KCNIP4: variants seen among roughly 807,000 people sequenced by gnomAD.
KCNIP4 encodes Kv channel-interacting protein 4.
In KCNIP4, 12 loss-of-function variants were observed where a neutral mutation model predicts 34.0. That is an observed-to-expected ratio of 0.35 (90% CI 0.23 to 0.57). The LOEUF (loss-of-function observed/expected upper bound fraction) is 0.57, where lower values mean the gene tolerates loss of function less well. Among genes scored for constraint, KCNIP4 ranks in the 20% least tolerant of loss-of-function variants. KCNIP4 has a pLI of 0.83. For missense variants in KCNIP4, 238 were observed against 311.7 expected, an observed-to-expected ratio of 0.76 and a Z score of 1.78; for synonymous variants, 124 against 102.2, an observed-to-expected ratio of 1.21 and a Z score of -1.29.
intron 1 of KCNIP4, among the ~76,000 whole-genome samples, chr4:20,980,809 T>TAA (rs547579828): frequency 8.4e-5 from 11 of 131,138 alleles, no homozygotes; most frequent in East Asian, 4.4e-4. Context: ...TTCTCCACCA[T>TAA]AAAAAAAAAA....
chr4:21,362,324 G>A (rs1252473442), intron 1 of KCNIP4, among the ~76,000 whole-genome samples: 1 of 152,118 alleles, frequency 6.6e-6, no homozygotes, highest in Non-Finnish European at 1.5e-5. Context: ...TCATGGTCAC[G>A]AAAGCAGTGA....
chr4:20,903,594 C>T (rs1440066162), intron 1 of KCNIP4, among the ~76,000 whole-genome samples: 3 of 152,042 alleles, frequency 2.0e-5, no homozygotes, highest in Non-Finnish European at 4.4e-5. Context: ...GCCTGAAGCC[C>T]CCACTTTGAG....
chr4:20,916,940 A>G (rs1485047590), intron 1 of KCNIP4, among the ~76,000 whole-genome samples: 2 of 119,432 alleles, frequency 1.7e-5, no homozygotes, highest in African/African-American at 6.3e-5. Flanking sequence ...TTTCCCTTTC[A>G]TATTTTTTCC....
At chr4:21,770,555 A>C (rs2109189587) in intron 1 of KCNIP4, among the ~76,000 whole-genome samples, 1 of 152,268 alleles carries the variant, frequency 6.6e-6, no homozygotes, top group African/African-American at 2.4e-5. Context: ...TGGCTGAACT[A>C]ATTTACATTC....
At chr4:21,019,826 T>A (rs1005581317) in intron 1 of KCNIP4, among the ~76,000 whole-genome samples, 9 of 152,134 alleles carry the variant, frequency 5.9e-5, no homozygotes, top group African/African-American at 2.2e-4. Flanking sequence ...CACAGCTATA[T>A]AAAGTAGCAT....
At chr4:20,992,012 C>T (rs946177205) in intron 1 of KCNIP4, among the ~76,000 whole-genome samples, 4 of 152,210 alleles carry the variant, frequency 2.6e-5, no homozygotes, top group Non-Finnish European at 5.9e-5. Flanking sequence ...CAGAACCCAG[C>T]AGGCTTTGGC....
intron 1 of KCNIP4, among the ~76,000 whole-genome samples, chr4:21,533,220 T>A (rs1736850890): frequency 6.6e-6 from 1 of 152,102 alleles, no homozygotes; most frequent in Non-Finnish European, 1.5e-5. Flanking sequence ...GAATATATGC[T>A]CTCTCACTTA....
At chr4:20,946,633 T>C (rs896339859) in intron 1 of KCNIP4, among the ~76,000 whole-genome samples, 10 of 152,212 alleles carry the variant, frequency 6.6e-5, no homozygotes, top group African/African-American at 2.4e-4. Context: ...AAGTGTATTT[T>C]CTCATTCTTC....
At position 21,654,079 on chromosome 4, in the gene KCNIP4, AG is replaced by A. The variant is rs1251411364; in HGVS notation, c.61+294491del. ...AGTGCTTGGAAAAATGTTACAACAAAGAATAGATAGCTTTATAATGAAAATC... is the reference window on the plus strand; with the variant it reads ...AGTGCTTGGAAAAATGTTACAACAAAAATAGATAGCTTTATAATGAAAATC... On this transcript the variant is annotated intron_variant, in intron 1 of 8. Coordinates refer to ENST00000382152, the MANE Select transcript of KCNIP4 (RefSeq NM_025221.6). Among the ~76,000 whole-genome samples, 2 of 152,248 alleles carry A rather than the reference AG, an allele frequency of 1.3e-5. 1 individual carries two copies. The highest frequency in any genetic ancestry group is 2.9e-5 in the Non-Finnish European group (2 of 68,048).
At chr4:21,497,376 T>C (rs1193791720) in intron 1 of KCNIP4, among the ~76,000 whole-genome samples, 1 of 152,166 alleles carries the variant, frequency 6.6e-6, no homozygotes, top group African/African-American at 2.4e-5. Context: ...TCTTACCAAG[T>C]AACTCATGAT....
intron 3 of KCNIP4, among the ~76,000 whole-genome samples, chr4:20,786,981 C>G (rs1232530556): frequency 6.6e-6 from 1 of 152,116 alleles, no homozygotes; most frequent in Non-Finnish European, 1.5e-5. Flanking sequence ...ATTTTGTAAG[C>G]TGTAAGGTGC....
intron 1 of KCNIP4, among the ~76,000 whole-genome samples, chr4:20,949,149 C>T (rs1025696136): frequency 1.1e-4 from 16 of 152,218 alleles, no homozygotes; most frequent in African/African-American, 1.7e-4. Flanking sequence ...ACGGTAACAG[C>T]GACTGCTCGC....
chr4:20,831,157 G>C (rs953869833), intron 3 of KCNIP4, among the ~76,000 whole-genome samples: 2 of 152,110 alleles, frequency 1.3e-5, no homozygotes, highest in South Asian at 4.1e-4. Context: ...TATTCCATTG[G>C]AAGGGCTCAG....
chr4:21,716,785 A>C (rs571259666), intron 1 of KCNIP4, among the ~76,000 whole-genome samples: 61 of 152,270 alleles, frequency 4.0e-4, no homozygotes, highest in African/African-American at 1.3e-3. Context: ...TGTTGAAGGG[A>C]ACAAATGGCT....
chr4:21,921,850 C>G (rs1280845734), intron 1 of KCNIP4, among the ~76,000 whole-genome samples: 1 of 152,168 alleles, frequency 6.6e-6, no homozygotes, highest in Non-Finnish European at 1.5e-5. Flanking sequence ...ATAAATCAGC[C>G]AGAGTGGTCT....
intron 1 of KCNIP4, among the ~76,000 whole-genome samples, chr4:20,940,409 C>T (rs1216793450): frequency 6.6e-6 from 1 of 152,104 alleles, no homozygotes; most frequent in Non-Finnish European, 1.5e-5. Context: ...AGTTGCTGGA[C>T]ACAAAATAGT....
intron 5 of KCNIP4, among the ~76,000 whole-genome samples, 172 bp from the exon 6 acceptor site, chr4:20,734,907 C>A (rs1037174145): frequency 6.6e-6 from 1 of 152,044 alleles, no homozygotes; most frequent in Non-Finnish European, 1.5e-5. Flanking sequence ...ATAAATCACT[C>A]CTTAGTCTTA....
chr4:21,035,288 T>C (rs1033788765), intron 1 of KCNIP4, among the ~76,000 whole-genome samples: 1 of 152,226 alleles, frequency 6.6e-6, no homozygotes, highest in African/African-American at 2.4e-5. Context: ...CCAAGGCTAA[T>C]TTTAATATAT....
intron 1 of KCNIP4, among the ~76,000 whole-genome samples, chr4:21,584,436 T>A (rs1484934974): frequency 6.6e-6 from 1 of 152,068 alleles, no homozygotes; most frequent in Non-Finnish European, 1.5e-5. Context: ...GAATCATTCT[T>A]CGAAAACTTA....
Sources: allele counts gnomAD v4.1 joint callset (sites outside exome capture counted in the v4.1 genomes callset), GRCh38; gene constraint gnomAD v4.1.1; transcripts MANE v1.5; gene names NCBI Gene and HGNC (gene_info 2026-07-23, HGNC 2026-07-21).